RFXAP: variants seen among roughly 807,000 people sequenced by gnomAD.
RFXAP encodes the protein regulatory factor X associated protein.
A neutral mutation model predicts 25.7 loss-of-function variants in RFXAP; 21 were observed. The ratio of observed to expected loss-of-function variants is 0.82; its 90% CI spans 0.58 to 1.18. The LOEUF (loss-of-function observed/expected upper bound fraction) is 1.18. Among genes scored for constraint, RFXAP ranks in the 50% most tolerant of loss-of-function variants. The pLI, the probability that RFXAP is intolerant of heterozygous loss-of-function variation, is 0.00. For missense variants in RFXAP, 333 were observed against 363.0 expected (o/e 0.92, Z 0.67); for synonymous variants, 161 against 152.2 (o/e 1.06, Z -0.43).
chr13:36,821,133 G>A (rs1435243390), intron 1 of RFXAP, among the ~76,000 whole-genome samples: 2 of 147,178 alleles, frequency 1.4e-5, no homozygotes, highest in East Asian at 4.0e-4. Flanking sequence ...GATTGCTTGA[G>A]ACCAGGGGTT....
At position 36,828,056 on chromosome 13, in the gene RFXAP, GA is replaced by G. The variant is rs745410139; in HGVS notation, c.*305del. 1 of 326,534 alleles carries G rather than the reference GA, an allele frequency of 3.1e-6. No individual in the cohort carries two copies. Among genetic ancestry groups the G allele is most frequent in the Non-Finnish European group, 5.7e-6 (1 of 174,982 alleles). 20.2% of individuals were successfully genotyped at this position (326,534 alleles called of 1,614,324 possible). A position where few individuals can be genotyped will look rare whatever the true frequency, so the allele number is the denominator to read the frequency against. On this transcript the variant is annotated 3_prime_UTR_variant, in exon 3 of 3. Transcript: ENST00000255476. ...GGTAATGAAGCAGTTACTTTCTGTG[GA>G]AGTCATAAAGTTAATAGATATTAAT...
intron 1 of RFXAP, among the ~76,000 whole-genome samples, chr13:36,821,135 C>G (rs2057960440): frequency 1.4e-5 from 2 of 147,770 alleles, no homozygotes; most frequent in Admixed American, 1.4e-4. Flanking sequence ...TTGCTTGAGA[C>G]CAGGGGTTCG....
rs1593530039 is a variant in RFXAP at position 36,819,700 on chromosome 13, G to A, written c.343G>A (p.Glu115Lys). Residue 115 changes from glutamate (E) to lysine (K), a missense_variant, in exon 1 of 3, where the codon GAG becomes AAG. Transcript: ENST00000255476. ...TAGTTTGGAGGATCTAGAGGACGAG[G>A]AGACTCACTCGGGGGGCGAGGGCAG... ...AASLEDLEDE[E>K]THSGGEGSSG... The A allele has an allele frequency of 1.9e-6, 3 of 1,550,386 alleles. No individual in the cohort carries two copies. The highest frequency in any genetic ancestry group is 2.6e-6 in the Non-Finnish European group (3 of 1,146,726).
chr13:36,820,725 G>A (rs1199028239), intron 1 of RFXAP, among the ~76,000 whole-genome samples: 2 of 152,202 alleles, frequency 1.3e-5, no homozygotes, highest in African/African-American at 4.8e-5. Flanking sequence ...TTTGAACTGA[G>A]TCAAAGGTAA....
chr13:36,822,429 T>C (rs2057965987), intron 1 of RFXAP, among the ~76,000 whole-genome samples: 1 of 145,608 alleles, frequency 6.9e-6, no homozygotes, highest in Non-Finnish European at 1.5e-5. Flanking sequence ...GGCTGCTTAC[T>C]TTTTTTTTTT....
chr13:36,819,331 C>A lies in RFXAP; in HGVS notation c.-27C>A. On this transcript the variant is annotated 5_prime_UTR_variant, in exon 1 of 3. Coordinates refer to ENST00000255476, the MANE Select transcript of RFXAP (RefSeq NM_000538.4). ...CAAGCAGGTGCTAAAAGCCCGGGGT[C>A]GTGGACCCCGGCCAGGTCTTAGCAG... 8.0e-7 allele frequency: 1 copy of A among 1,251,876 alleles called. No homozygotes were observed. Among genetic ancestry groups the A allele is most frequent in the South Asian group, 4.0e-5 (1 of 25,242 alleles). 77.5% of individuals were successfully genotyped at this position (1,251,876 alleles called of 1,614,324 possible). A position where few individuals can be genotyped will look rare whatever the true frequency, so the allele number is the denominator to read the frequency against.
At position 36,819,277 on chromosome 13, in the gene RFXAP, A is replaced by G. The variant is rs1348705763; in HGVS notation, c.-81A>G. The G allele has an allele frequency of 2.5e-6, 3 of 1,182,334 alleles. No homozygotes were observed. Among genetic ancestry groups the G allele is most frequent in the African/African-American group, 3.2e-5 (2 of 62,832 alleles). 73.2% of individuals were successfully genotyped at this position (1,182,334 alleles called of 1,614,324 possible). A position where few individuals can be genotyped will look rare whatever the true frequency, so the allele number is the denominator to read the frequency against. ...GCGCCTTTTACCCCAGCGTGTCCTG[A>G]GTCTTTGGTTCGCGAAGTGCCGTTA... On this transcript the variant is annotated 5_prime_UTR_variant, in exon 1 of 3. Transcript: ENST00000255476.
In RFXAP at chr13:36,827,629, C is replaced by T; in HGVS notation, c.709-14C>T. ...GATTAATGCTATTAATAATTTTTTT[C>T]TTTTCTTTCTAAGTCGTTACTAAGA... On this transcript the variant is annotated splice_polypyrimidine_tract_variant and intron_variant, in intron 2 of 2. Transcript: ENST00000255476. The T allele has an allele frequency of 6.3e-7, 1 of 1,591,552 alleles. No homozygotes were observed. The highest frequency in any genetic ancestry group is 1.3e-5 in the African/African-American group (1 of 74,434).
intron 1 of RFXAP, among the ~76,000 whole-genome samples, chr13:36,824,638 A>G (rs2057972462): frequency 1.3e-5 from 2 of 152,192 alleles, no homozygotes; most frequent in East Asian, 3.8e-4. Flanking sequence ...GAGTCAGAAT[A>G]TTTCAGTCAA....
Position 36,819,285 on chromosome 13 carries a change from G to T in RFXAP, c.-73G>T. On this transcript the variant is annotated 5_prime_UTR_variant, in exon 1 of 3. Transcript: ENST00000255476. Reference sequence around the variant, plus strand: ...TACCCCAGCGTGTCCTGAGTCTTTGGTTCGCGAAGTGCCGTTAGGCCAAGC... The same window carrying T: ...TACCCCAGCGTGTCCTGAGTCTTTGTTTCGCGAAGTGCCGTTAGGCCAAGC... 1 of 1,227,118 alleles carries T rather than the reference G, an allele frequency of 8.1e-7. No homozygotes were observed. The allele number at this position is 1,227,118 out of a possible 1,614,324, so 76.0% of individuals were successfully genotyped here. A position where few individuals can be genotyped will look rare whatever the true frequency, so the allele number is the denominator to read the frequency against.
chr13:36,821,956 G>A (rs1980881), intron 1 of RFXAP, among the ~76,000 whole-genome samples: 96,943 of 152,036 alleles, frequency 0.64, 32,601 homozygotes, highest in Non-Finnish European at 0.75. Context: ...CTCTGATTAC[G>A]GGGATTTAGG....
rs1183846071 is a variant in RFXAP at position 36,827,779 on chromosome 13, G to A, written c.*26G>A. ...GGGAACTTACCAAGAACATCTACAT[G>A]GTTTTTTATCTTATTGTAATAGATG... On this transcript the variant is annotated 3_prime_UTR_variant, in exon 3 of 3. Transcript: ENST00000255476. The A allele has an allele frequency of 1.4e-6, 2 of 1,452,596 alleles. No homozygotes were observed. Among genetic ancestry groups the A allele is most frequent in the Non-Finnish European group, 1.9e-6 (2 of 1,078,230 alleles). The allele number at this position is 1,452,596 out of a possible 1,614,324, so 90.0% of individuals were successfully genotyped here.
At position 36,828,040 on chromosome 13, in the gene RFXAP, G is replaced by A. The variant is rs2057983938; in HGVS notation, c.*287G>A. 4 of 347,038 alleles carry A rather than the reference G, an allele frequency of 1.2e-5. No individual in the cohort carries two copies. Among genetic ancestry groups the A allele is most frequent in the South Asian group, 9.7e-5 (3 of 30,886 alleles). The allele number at this position is 347,038 out of a possible 1,614,324, so 21.5% of individuals were successfully genotyped here. On this transcript the variant is annotated 3_prime_UTR_variant, in exon 3 of 3. Transcript: ENST00000255476. ...AGTCATTGTTACTGAAGGTAATGAA[G>A]CAGTTACTTTCTGTGGAAGTCATAA...
Position 36,819,262 on chromosome 13 carries a change from C to A in RFXAP, c.-96C>A. 8.6e-7 allele frequency: 1 copy of A among 1,158,728 alleles called. No homozygotes were observed. The allele number at this position is 1,158,728 out of a possible 1,614,324, so 71.8% of individuals were successfully genotyped here. On this transcript the variant is annotated 5_prime_UTR_variant, in exon 1 of 3. Transcript: ENST00000255476. ...GCCTTCCCGGTATAGGCGCCTTTTA[C>A]CCCAGCGTGTCCTGAGTCTTTGGTT...
At chr13:36,824,485 A>G (rs1168843148) in intron 1 of RFXAP, among the ~76,000 whole-genome samples, 2 of 152,196 alleles carry the variant, frequency 1.3e-5, no homozygotes, top group Non-Finnish European at 2.9e-5. Flanking sequence ...GCCCAAGAGA[A>G]AAAACAGCAT....
At chr13:36,821,573 G>C (rs1277772753) in intron 1 of RFXAP, among the ~76,000 whole-genome samples, 2 of 152,250 alleles carry the variant, frequency 1.3e-5, no homozygotes, top group South Asian at 2.1e-4. Flanking sequence ...TGAGGTGGAA[G>C]GATCATTGAG....
chr13:36,824,065 G>A (rs1182030773), intron 1 of RFXAP, among the ~76,000 whole-genome samples: 1 of 152,132 alleles, frequency 6.6e-6, no homozygotes, highest in Non-Finnish European at 1.5e-5. Context: ...TTTTGAAAAA[G>A]AATTCCAACA....
rs1334011538 is a variant in RFXAP, at chr13:36,827,969, A to C, written c.*216A>C. 3.7e-6 allele frequency: 2 copies of C among 539,044 alleles called. No individual in the cohort carries two copies. Among genetic ancestry groups the C allele is most frequent in the African/African-American group, 3.8e-5 (2 of 52,334 alleles). The allele number at this position is 539,044 out of a possible 1,614,324, so 33.4% of individuals were successfully genotyped here. A position where few individuals can be genotyped will look rare whatever the true frequency, so the allele number is the denominator to read the frequency against. On this transcript the variant is annotated 3_prime_UTR_variant, in exon 3 of 3. Coordinates refer to ENST00000255476, the MANE Select transcript of RFXAP (RefSeq NM_000538.4). ...TTTGAAGAAGTCAGCTTATCTTTCC[A>C]AATAACATTTAATTATAATGTTTTT...
Position 36,819,492 on chromosome 13 carries a change from C to G in RFXAP, c.135C>G (p.Thr45=), listed in dbSNP as rs1300922771. The G allele has an allele frequency of 6.4e-7, 1 of 1,551,388 alleles. No individual in the cohort carries two copies. The highest frequency in any genetic ancestry group is 1.4e-5 in the African/African-American group (1 of 73,120). The change falls in exon 1 of 3, where the codon ACC becomes ACG. Residue 45 remains threonine, a synonymous_variant. Coordinates refer to ENST00000255476, the MANE Select transcript of RFXAP (RefSeq NM_000538.4). ...TGGCGGCCGCGGCCTCTCAATTCAC[C>G]CTGCTAGTGATGCAACCCTGTGCTG... The part of the protein sequence containing the change: ...ASVAAAASQF[T]LLVMQPCAGQ...
Sources: allele counts gnomAD v4.1 joint callset (sites outside exome capture counted in the v4.1 genomes callset), GRCh38; gene constraint gnomAD v4.1.1; transcripts MANE v1.5; gene names NCBI Gene and HGNC (gene_info 2026-07-23, HGNC 2026-07-21).